The following IRAK1BP1 variants were observed in gnomAD, a reference collection of about 807,000 sequenced individuals.
IRAK1BP1 encodes the protein interleukin 1 receptor associated kinase 1 binding protein 1.
In IRAK1BP1, 24 loss-of-function variants were observed where a neutral mutation model predicts 28.0. That is an observed-to-expected ratio of 0.86 (90% CI 0.62 to 1.20). The LOEUF is 1.20. Among genes scored for constraint, IRAK1BP1 ranks in the 50% most tolerant of loss-of-function variants. The probability of loss-of-function intolerance (pLI) is 0.00; values close to 1 mark genes in which losing one functional copy is unlikely to be tolerated. For missense variants in IRAK1BP1, 336 were observed against 316.7 expected, an observed-to-expected ratio of 1.06 and a Z score of -0.46; for synonymous variants, 131 against 116.3, an observed-to-expected ratio of 1.13 and a Z score of -0.81.
At chr6:78,895,020 A>C (rs1243644693) in intron 2 of IRAK1BP1, among the ~76,000 whole-genome samples, 4 of 151,976 alleles carry the variant, frequency 2.6e-5, no homozygotes, top group Non-Finnish European at 5.9e-5. Flanking sequence ...AGACAGGAGA[A>C]TCGCTTGAAC....
In IRAK1BP1 at chr6:78,898,582, A is replaced by G. The variant is rs1017886713; in HGVS notation, c.*248A>G. 4 of 151,612 alleles carry G rather than the reference A, an allele frequency of 2.6e-5. No individual in the cohort carries two copies. Among genetic ancestry groups the G allele is most frequent in the Non-Finnish European group, 5.9e-5 (4 of 68,052 alleles). The allele number at this position is 151,612 out of a possible 1,614,324, so 9.4% of individuals were successfully genotyped here. A position where few individuals can be genotyped will look rare whatever the true frequency, so the allele number is the denominator to read the frequency against. On this transcript the variant is annotated 3_prime_UTR_variant, in exon 4 of 4. Transcript: ENST00000369940. ...TGGATAATAAATGTATTATGTGCAT[A>G]CTTATATACTGACAGTTCATACAAG...
intron 4 of IRAK1BP1, among the ~76,000 whole-genome samples, chr6:78,915,537 C>A (rs575078292): frequency 1.3e-5 from 2 of 152,244 alleles, no homozygotes; most frequent in African/African-American, 4.8e-5. Context: ...CTATCCTAGC[C>A]AATAATGAGT....
At chr6:78,957,237 C>A in the IRAK1BP1 span, 5 of 151,874 alleles carry the variant, frequency 3.3e-5, no homozygotes, top group African/African-American at 1.2e-4. Context: ...TATGAATATA[C>A]TATCTCATGT....
chr6:78,877,806 TC>T (rs775022598), intron 1 of IRAK1BP1, among the ~76,000 whole-genome samples: 7 of 152,138 alleles, frequency 4.6e-5, no homozygotes, highest in Non-Finnish European at 7.4e-5. Flanking sequence ...ACTGTGCTTT[TC>T]CAACAGTCTT....
At position 78,867,663 on chromosome 6, in the gene IRAK1BP1, AG is replaced by A; in HGVS notation, c.90del (p.Arg31GlufsTer25). On this transcript the variant is annotated frameshift_variant, in exon 1 of 4. Coordinates refer to ENST00000369940, the MANE Select transcript of IRAK1BP1 (RefSeq NM_001010844.4). LOFTEE classifies it high-confidence loss of function. ...GGAGCCGGGAGAACAACCTGGCCTC[AG>A]GGAGAGAGACGCTACCGGGCTTACG... ...DRSRENNLAS[G>X]RETLPGLRHP... 6.2e-7 allele frequency: 1 copy of A among 1,614,244 alleles called. No homozygotes were observed. Among genetic ancestry groups the A allele is most frequent in the Non-Finnish European group, 8.5e-7 (1 of 1,180,038 alleles).
At chr6:78,970,996 T>G in the IRAK1BP1 span, 6 of 696,394 alleles carry the variant, frequency 8.6e-6, no homozygotes, top group Non-Finnish European at 1.4e-5. Flanking sequence ...TTTCAGCTAA[T>G]AGAAATTCTA....
chr6:78,898,071 G>A lies in IRAK1BP1; in HGVS notation c.520G>A (p.Ala174Thr), dbSNP rs760508755. Residue 174 changes from alanine to threonine, a missense_variant, in exon 4 of 4, where the codon GCC (alanine) becomes ACC (threonine). Transcript: ENST00000369940. ...CTCCATTTAATTCCTAAGACGGCAA[G>A]CCTGTCTTGTTGCTGTTGAGAATGC... is the stretch of plus-strand genomic sequence containing the variant. ...PGSVENLRRQACLVAVENAWR... is the reference protein window; with the variant it reads ...PGSVENLRRQTCLVAVENAWR... The A allele has an allele frequency of 1.9e-6, 3 of 1,609,624 alleles. No individual in the cohort carries two copies. The South Asian group carries it at 3.3e-5, about 18-fold the overall frequency.
chr6:78,976,720 T>A, the IRAK1BP1 span, among the ~76,000 whole-genome samples: 854 of 146,628 alleles, frequency 5.8e-3, 6 homozygotes, highest in Non-Finnish European at 0.01. Context: ...GCGAAGGACA[T>A]GAACAGACAC....
chr6:78,878,441 T>G (rs1333963867), intron 1 of IRAK1BP1, among the ~76,000 whole-genome samples: 1 of 152,228 alleles, frequency 6.6e-6, no homozygotes, highest in Non-Finnish European at 1.5e-5. Flanking sequence ...GGGTCCTGAC[T>G]GTTAGAATGA....
chr6:78,890,416 A>T (rs1307065640), intron 2 of IRAK1BP1, among the ~76,000 whole-genome samples: 2 of 44,962 alleles, frequency 4.4e-5, no homozygotes, highest in African/African-American at 1.1e-4. Flanking sequence ...GTATAAGTTA[A>T]AAAAAAAAAA....
chr6:78,910,662 G>C (rs541509331), intron 4 of IRAK1BP1, among the ~76,000 whole-genome samples: 28 of 152,298 alleles, frequency 1.8e-4, no homozygotes, highest in African/African-American at 6.0e-4. Flanking sequence ...CTTTCCTGGA[G>C]TGGCGGCGGA....
At chr6:78,935,234 AATTT>A (rs1773227288) in intron 4 of IRAK1BP1, among the ~76,000 whole-genome samples, 1 of 152,192 alleles carries the variant, frequency 6.6e-6, no homozygotes, top group South Asian at 2.1e-4. Flanking sequence ...TCAACTTAGA[AATTT>A]ATTATATACA....
intron 4 of IRAK1BP1, among the ~76,000 whole-genome samples, chr6:78,911,384 C>T (rs9343848): frequency 0.45 from 67,815 of 151,506 alleles, 15,768 homozygotes; most frequent in East Asian, 0.69. Context: ...CCTTTATATT[C>T]CCCAGTCTTG....
chr6:78,928,393 T>G (rs1461357856), intron 4 of IRAK1BP1, among the ~76,000 whole-genome samples: 1 of 152,212 alleles, frequency 6.6e-6, no homozygotes, highest in Non-Finnish European at 1.5e-5. Context: ...ACTTTGCTTA[T>G]CAGTTTTAAT....
At chr6:78,963,015 ATTTTT>A in the IRAK1BP1 span, 1 of 1,347,960 alleles carries the variant, frequency 7.4e-7, no homozygotes, top group Non-Finnish European at 1.0e-6. Context: ...GTGAAAAAAA[ATTTTT>A]GTTGGAGAAT....
Position 78,899,330 on chromosome 6 carries a change from A to G in IRAK1BP1, c.*996A>G, listed in dbSNP as rs1772016643. 1 of 152,212 alleles carries G rather than the reference A, an allele frequency of 6.6e-6. No homozygotes were observed. The highest frequency in any genetic ancestry group is 1.5e-5 in the Non-Finnish European group (1 of 68,040). The allele number at this position is 152,212 out of a possible 1,614,324, so 9.4% of individuals were successfully genotyped here. A position where few individuals can be genotyped will look rare whatever the true frequency, so the allele number is the denominator to read the frequency against. Reference sequence around the variant, plus strand: ...TCTCACATCTAACAGTTTCTTTACTAGGACCAGAGACCATTTTGGTAAGAT... The same window carrying G: ...TCTCACATCTAACAGTTTCTTTACTGGGACCAGAGACCATTTTGGTAAGAT... On this transcript the variant is annotated 3_prime_UTR_variant, in exon 4 of 4. Transcript: ENST00000369940.
chr6:78,926,367 G>T (rs2127668347), intron 4 of IRAK1BP1, among the ~76,000 whole-genome samples: 1 of 152,172 alleles, frequency 6.6e-6, no homozygotes, highest in African/African-American at 2.4e-5. Flanking sequence ...ACATGCACTT[G>T]TATTTTCATC....
intron 1 of IRAK1BP1, among the ~76,000 whole-genome samples, chr6:78,876,774 A>G (rs1188463773): frequency 6.6e-6 from 1 of 152,164 alleles, no homozygotes; most frequent in African/African-American, 2.4e-5. Context: ...CATCTTGTGT[A>G]TCCACTTAGT....
intron 4 of IRAK1BP1, among the ~76,000 whole-genome samples, chr6:78,909,334 T>C (rs1263831429): frequency 1.3e-5 from 2 of 152,230 alleles, no homozygotes; most frequent in African/African-American, 4.8e-5. Flanking sequence ...CCAGACATAA[T>C]CTCATGGTGA....
Sources: allele counts gnomAD v4.1 joint callset (sites outside exome capture counted in the v4.1 genomes callset), GRCh38; gene constraint gnomAD v4.1.1; transcripts MANE v1.5; gene names NCBI Gene and HGNC (gene_info 2026-07-23, HGNC 2026-07-21).